Variants in DGKD observed in about 807,000 individuals in gnomAD.
The protein encoded by DGKD is diacylglycerol kinase delta.
Under a neutral mutation model 154.4 loss-of-function variants are expected in DGKD, and 68 were observed. The ratio of observed to expected loss-of-function variants is 0.44; its 90% CI spans 0.36 to 0.54. The LOEUF (loss-of-function observed/expected upper bound fraction) is 0.54. Among genes scored for constraint, DGKD ranks in the 20% least tolerant of loss-of-function variants. The probability of loss-of-function intolerance (pLI) is 0.00; values close to 1 mark genes in which losing one functional copy is unlikely to be tolerated. For synonymous variants in DGKD, 693 were observed against 638.0 expected (o/e 1.09, Z -1.30); for missense variants, 1,343 against 1,593.6 (o/e 0.84, Z 2.68).
At chr2:233,439,406 C>G (rs1192911195) in intron 9 of DGKD, among the ~76,000 whole-genome samples, 1 of 152,194 alleles carries the variant, frequency 6.6e-6, no homozygotes, top group Non-Finnish European at 1.5e-5. Context: ...TTGCTCATCC[C>G]CACTCACAGC....
intron 26 of DGKD, among the ~76,000 whole-genome samples, chr2:233,463,262 CCTCCTCACTGCACGCGT>C (rs1315317214): frequency 6.6e-6 from 1 of 151,982 alleles, no homozygotes; most frequent in African/African-American, 2.4e-5. Flanking sequence ...ACGCCACTCA[CCTCCTCACTGCACGCGT>C]CTCCTCACTG....
chr2:233,464,920 C>T (rs1459117508), intron 27 of DGKD, among the ~76,000 whole-genome samples: 4 of 152,236 alleles, frequency 2.6e-5, no homozygotes, highest in Non-Finnish European at 5.9e-5. Context: ...TCATCTTGGG[C>T]AGTACAGTTG....
At chr2:233,397,916 A>G (rs1262422388) in intron 3 of DGKD, among the ~76,000 whole-genome samples, 1 of 151,944 alleles carries the variant, frequency 6.6e-6, no homozygotes, top group South Asian at 2.1e-4. Flanking sequence ...TCAGGAGTCC[A>G]GAAGAGGGGC....
chr2:233,363,855 C>A (rs1029833846), intron 1 of DGKD, among the ~76,000 whole-genome samples: 2 of 152,204 alleles, frequency 1.3e-5, no homozygotes, highest in African/African-American at 4.8e-5. Flanking sequence ...TAGGTCATGC[C>A]ATACAGATGA....
chr2:233,388,448 G>T (rs932087240), intron 2 of DGKD, 81 bp downstream of exon 2: 4 of 1,374,390 alleles, frequency 2.9e-6, no homozygotes, highest in Non-Finnish European at 4.0e-6. Context: ...CTGAGTCCTT[G>T]TGTGGGAAAA....
At chr2:233,404,340 T>C (rs2061629415) in intron 3 of DGKD, among the ~76,000 whole-genome samples, 1 of 152,210 alleles carries the variant, frequency 6.6e-6, no homozygotes. Context: ...TGCTAGAATG[T>C]GCATTTCAGA....
rs536974795 is a variant in DGKD at position 233,396,885 on chromosome 2, T to G, written c.348+6402T>G. Among the ~76,000 whole-genome samples, 4 of 146,188 alleles carry G rather than the reference T, an allele frequency of 2.7e-5. No individual in the cohort carries two copies. The South Asian group carries it at 8.9e-4, about 32-fold the overall frequency. ...GTGGTGGAAGGGCCAGGGTGGCTGA[T>G]GGAGGCCAGAGCAAGAGGACACCAG... On this transcript the variant is annotated intron_variant, in intron 3 of 29. Transcript: ENST00000264057.
intron 1 of DGKD, among the ~76,000 whole-genome samples, chr2:233,369,125 T>C (rs1163999079): frequency 6.6e-6 from 1 of 152,218 alleles, no homozygotes; most frequent in Non-Finnish European, 1.5e-5. Flanking sequence ...GCCTCTCATA[T>C]TGCATCTCCA....
At chr2:233,448,412 G>A in intron 14 of DGKD, 37 bp downstream of exon 14, 1 of 1,588,456 alleles carries the variant, frequency 6.3e-7, no homozygotes, top group Non-Finnish European at 8.6e-7. Flanking sequence ...GGGCATTGAG[G>A]CAGCGAGAAG....
In DGKD at chr2:233,454,774, C is replaced by T. The variant is rs376456548; in HGVS notation, c.2276C>T (p.Thr759Met). Residue 759 changes from threonine to methionine, a missense_variant, in exon 19 of 30, where the codon ACG becomes ATG. Around this residue, in one of 6 missense-constraint regions of DGKD, gnomAD observed 409 missense variants for 446.0 expected, o/e 0.92. Transcript: ENST00000264057. ...ACTCACCTTTGCAGAGAGTATTACACGGAGAAATGTGTCATGAACAACTAT... is the reference window on the plus strand; with the variant it reads ...ACTCACCTTTGCAGAGAGTATTACATGGAGAAATGTGTCATGAACAACTAT... ...NSEPETLEYY[T>M]EKCVMNNYFG... 62 of 1,608,534 alleles carry T rather than the reference C, an allele frequency of 3.9e-5. No homozygotes were observed. Among genetic ancestry groups the T allele is most frequent in the Middle Eastern group, 3.3e-4 (2 of 6,078 alleles).
intron 1 of DGKD, among the ~76,000 whole-genome samples, chr2:233,380,117 A>G (rs1409234353): frequency 6.6e-6 from 1 of 152,190 alleles, no homozygotes; most frequent in Non-Finnish European, 1.5e-5. Flanking sequence ...AACAAATACA[A>G]TCAATGATCC....
chr2:233,439,927 C>T (rs540671055), intron 9 of DGKD, among the ~76,000 whole-genome samples: 24 of 152,170 alleles, frequency 1.6e-4, no homozygotes, highest in East Asian at 7.7e-4. Flanking sequence ...AGATATAATA[C>T]GTCTGTTATC....
In DGKD at chr2:233,462,389, A is replaced by T; in HGVS notation, c.3023A>T (p.Glu1008Val). Residue 1008 changes from glutamate (E) to valine (V), a missense_variant, in exon 25 of 30, where the codon GAA becomes GTA. Transcript: ENST00000264057. Reference protein sequence around the residue: ...IAQSHRDMEQELAHAVNASSK... With the variant: ...IAQSHRDMEQVLAHAVNASSK... ...CAGTCTCACCGGGACATGGAGCAGGAACTGGCCCACGCCGTCAATGCCAGC... is the reference window on the plus strand; with the variant it reads ...CAGTCTCACCGGGACATGGAGCAGGTACTGGCCCACGCCGTCAATGCCAGC... 6.2e-7 allele frequency: 1 copy of T among 1,605,176 alleles called. No individual in the cohort carries two copies. Among genetic ancestry groups the T allele is most frequent in the South Asian group, 1.1e-5 (1 of 90,884 alleles).
At chr2:233,451,188 C>A in intron 17 of DGKD, 138 bp downstream of exon 17, 2 of 928,410 alleles carry the variant, frequency 2.2e-6, no homozygotes, top group Non-Finnish European at 3.0e-6. Context: ...AAAATTTACA[C>A]GACTGTATGA....
At chr2:233,409,582 C>T (rs2061771997) in intron 3 of DGKD, among the ~76,000 whole-genome samples, 2 of 151,798 alleles carry the variant, frequency 1.3e-5, no homozygotes, top group African/African-American at 4.8e-5. Flanking sequence ...ATCCCACGTT[C>T]CCGTCCCAGA....
chr2:233,408,455 G>A (rs986370768), intron 3 of DGKD, among the ~76,000 whole-genome samples: 1 of 152,262 alleles, frequency 6.6e-6, no homozygotes, highest in Non-Finnish European at 1.5e-5. Context: ...GTCCTCTTGA[G>A]TGTGAAGTGT....
chr2:233,388,763 T>TTTTTTG (rs1491316980), intron 2 of DGKD: 2 of 103,532 alleles, frequency 1.9e-5, no homozygotes, highest in African/African-American at 3.7e-5. Flanking sequence ...TTTTTTTTTT[T>TTTTTTG]GAGAGGGAGT....
rs771732345 is a variant in DGKD at position 233,438,210 on chromosome 2, C to T, written c.923-7C>T. The T allele has an allele frequency of 2.5e-6, 4 of 1,612,816 alleles. No homozygotes were observed. Among genetic ancestry groups the T allele is most frequent in the Non-Finnish European group, 3.4e-6 (4 of 1,179,322 alleles). Reference sequence around the variant, plus strand: ...ATATATTTTCTTCTGTTCGTTCTTGCGTCCAGGGTTCTGGAAGGCCAGCTG... The same window carrying T: ...ATATATTTTCTTCTGTTCGTTCTTGTGTCCAGGGTTCTGGAAGGCCAGCTG... On this transcript the variant is annotated splice_polypyrimidine_tract_variant and splice_region_variant and intron_variant, in intron 8 of 29. Coordinates refer to ENST00000264057, the MANE Select transcript of DGKD (RefSeq NM_152879.3). The surrounding 1 kb of genome is among the most constrained non-coding windows in gnomAD (Gnocchi z 4.1).
chr2:233,452,204 A>AT lies in DGKD; in HGVS notation c.2264+146dup, dbSNP rs2063316559. 1.3e-6 allele frequency: 1 copy of AT among 770,550 alleles called. No homozygotes were observed. Among genetic ancestry groups the AT allele is most frequent in the African/African-American group, 1.7e-5 (1 of 58,230 alleles). The allele number at this position is 770,550 out of a possible 1,614,324, so 47.7% of individuals were successfully genotyped here. On this transcript the variant is annotated intron_variant, in intron 18 of 29. Transcript: ENST00000264057. This position sits in a 1 kb window ranked among gnomAD's most constrained non-coding sequence, Gnocchi z 4.0. ...TAAGGAAGGCTGAGAAGTCGTGGAG[A>AT]TTCCACTTAAGGAGTGGAGCTGGAA...
Sources: allele counts gnomAD v4.1 joint callset (sites outside exome capture counted in the v4.1 genomes callset), GRCh38; gene constraint gnomAD v4.1.1; regional missense constraint gnomAD v4.1.1; non-coding constraint Gnocchi (gnomAD v3.1); transcripts MANE v1.5; gene names NCBI Gene and HGNC (gene_info 2026-07-23, HGNC 2026-07-21).